TLE4: variants seen among roughly 807,000 people sequenced by gnomAD.
TLE4 encodes TLE family member 4, transcriptional corepressor.
Under a neutral mutation model 92.8 loss-of-function variants are expected in TLE4, and 8 were observed. That is an observed-to-expected ratio of 0.09 (90% CI 0.05 to 0.16). The LOEUF (loss-of-function observed/expected upper bound fraction) is 0.16, where lower values mean the gene tolerates loss of function less well. TLE4 is among the 10% of genes least tolerant of loss of function. The pLI, the probability that TLE4 is intolerant of heterozygous loss-of-function variation, is 1.00. For missense variants in TLE4, 675 were observed against 997.6 expected, an observed-to-expected ratio of 0.68 and a Z score of 4.36; for synonymous variants, 371 against 374.1, an observed-to-expected ratio of 0.99 and a Z score of 0.10.
intron 8 of TLE4, among the ~76,000 whole-genome samples, chr9:79,690,861 C>G (rs1291449856): frequency 7.5e-6 from 1 of 132,972 alleles, no homozygotes; most frequent in Non-Finnish European, 1.5e-5. Context: ...GTCTCGAACT[C>G]TTGGACTCAA....
Position 79,574,853 on chromosome 9 carries a change from G to C in TLE4, c.144-20G>C, listed in dbSNP as rs773801480. On this transcript the variant is annotated intron_variant, in intron 2 of 19. Coordinates refer to ENST00000376552, the MANE Select transcript of TLE4 (RefSeq NM_007005.6). The stretch of plus-strand genomic sequence containing the variant: ...GTAAGTTAAGATCATTGTACTTAGA[G>C]TATCTTATGTCTTGAACAGTCTGAA... 7 of 1,604,894 alleles carry C rather than the reference G, an allele frequency of 4.4e-6. No individual in the cohort carries two copies. The East Asian group carries it at 1.6e-4, about 36-fold the overall frequency.
At position 79,708,190 on chromosome 9, in the gene TLE4, A is replaced by G; in HGVS notation, c.1009A>G (p.Ser337Gly). 1 of 1,614,206 alleles carries G rather than the reference A, an allele frequency of 6.2e-7. No individual in the cohort carries two copies. Residue 337 changes from serine (S) to glycine (G), a missense_variant, in exon 12 of 20, where the codon AGT becomes GGT. Physicochemically the swap from Ser to Gly is moderately conservative, Grantham distance 56. Coordinates refer to ENST00000376552, the MANE Select transcript of TLE4 (RefSeq NM_007005.6). Reference sequence around the variant, plus strand: ...ACGAACTGATGCGCCCACCCCAGGCAGTAACTCTACTCCCGGATTGAGGCC... The same window carrying G: ...ACGAACTGATGCGCCCACCCCAGGCGGTAACTCTACTCCCGGATTGAGGCC... The part of the protein sequence containing the change: ...TPRTDAPTPG[S>G]NSTPGLRPVP...
chr9:79,649,271 TACACACACAC>T (rs61394180), intron 6 of TLE4, among the ~76,000 whole-genome samples: 4 of 147,268 alleles, frequency 2.7e-5, no homozygotes, highest in Admixed American at 6.8e-5. Flanking sequence ...CATACATACA[TACACACACAC>T]ACACACACAC....
intron 8 of TLE4, among the ~76,000 whole-genome samples, chr9:79,677,121 G>A (rs1302655214): frequency 2.0e-5 from 3 of 152,060 alleles, no homozygotes; most frequent in Non-Finnish European, 4.4e-5. Context: ...CTTTTTAATA[G>A]TAACAGTAGC....
At chr9:79,573,433 G>A in intron 1 of TLE4, 1 of 1,173,028 alleles carries the variant, frequency 8.5e-7, no homozygotes, top group Non-Finnish European at 1.1e-6. Context: ...GGGGAGGGGA[G>A]ACGGGACTCG....
At chr9:79,665,931 A>G (rs1284696901) in intron 8 of TLE4, among the ~76,000 whole-genome samples, 4 of 152,202 alleles carry the variant, frequency 2.6e-5, no homozygotes, top group African/African-American at 9.6e-5. Context: ...AACAGTTAAC[A>G]CGGATTATTA....
chr9:79,596,462 C>A (rs2044042201), intron 4 of TLE4, among the ~76,000 whole-genome samples: 1 of 152,120 alleles, frequency 6.6e-6, no homozygotes, highest in African/African-American at 2.4e-5. Context: ...TGGGGCTAGG[C>A]CTGTGAGCTC....
rs139812735 is a variant in TLE4 at position 79,591,817 on chromosome 9, A to T, written c.252+15640A>T. ...TCATTGATAGAAAAAGATACTTTAG[A>T]AGGGGAGAACTTGGTGTTGATAATG... is the stretch of plus-strand genomic sequence containing the variant. On this transcript the variant is annotated intron_variant, in intron 4 of 19. Transcript: ENST00000376552. Among the ~76,000 whole-genome samples the T allele has an allele frequency of 2.5e-3, 386 of 152,264 alleles. 3 individuals are homozygous for T. The highest frequency in any genetic ancestry group is 4.6e-3 in the Non-Finnish European group (312 of 68,006).
chr9:79,626,473 T>C (rs2052635106), intron 5 of TLE4, among the ~76,000 whole-genome samples: 1 of 152,238 alleles, frequency 6.6e-6, no homozygotes, highest in Admixed American at 6.5e-5. Flanking sequence ...GTAAGACTGA[T>C]TTTAAACCAA....
intron 8 of TLE4, among the ~76,000 whole-genome samples, chr9:79,700,911 A>T (rs2069648307): frequency 6.6e-6 from 1 of 152,106 alleles, no homozygotes; most frequent in South Asian, 2.1e-4. Context: ...AATCCTTCTA[A>T]ATTTGTAGAT....
rs758287153 is a variant in TLE4 at position 79,709,709 on chromosome 9, T to C, written c.1340+10T>C. On this transcript the variant is annotated intron_variant, in intron 14 of 19. Coordinates refer to ENST00000376552, the MANE Select transcript of TLE4 (RefSeq NM_007005.6). ...TTCCAGGAGGAAAACCGTGAGTACC[T>C]TTTTGCCTCTGTGCTCATTGTGTGT... The C allele has an allele frequency of 6.2e-7, 1 of 1,612,998 alleles. No homozygotes were observed. Among genetic ancestry groups the C allele is most frequent in the South Asian group, 1.1e-5 (1 of 91,000 alleles).
intron 8 of TLE4, among the ~76,000 whole-genome samples, chr9:79,675,410 A>G (rs2063102037): frequency 6.6e-6 from 1 of 152,226 alleles, no homozygotes; most frequent in Non-Finnish European, 1.5e-5. Context: ...TAAGGAATTA[A>G]GTTGAGGGCT....
intron 14 of TLE4, 140 bp from the exon 15 acceptor site, chr9:79,718,582 T>A: frequency 7.8e-7 from 1 of 1,283,606 alleles, no homozygotes; most frequent in Non-Finnish European, 1.0e-6. Context: ...TTATGTTCTT[T>A]ACACTGTATG....
At chr9:79,582,751 A>G (rs1395736905) in intron 4 of TLE4, among the ~76,000 whole-genome samples, 1 of 149,772 alleles carries the variant, frequency 6.7e-6, no homozygotes, top group African/African-American at 2.5e-5. Flanking sequence ...TGTGAGTTCT[A>G]GAAGGCACTT....
chr9:79,593,591 A>G (rs2043215416), intron 4 of TLE4, among the ~76,000 whole-genome samples: 1 of 152,206 alleles, frequency 6.6e-6, no homozygotes, highest in African/African-American at 2.4e-5. Context: ...TATTTTTGCT[A>G]AAAACATAAT....
intron 5 of TLE4, among the ~76,000 whole-genome samples, chr9:79,626,602 T>C (rs1255876244): frequency 1.3e-5 from 2 of 152,224 alleles, no homozygotes; most frequent in Non-Finnish European, 2.9e-5. Flanking sequence ...AGTGCCCCTA[T>C]ACAGAGACTT....
At chr9:79,599,568 C>T (rs908798500) in intron 4 of TLE4, among the ~76,000 whole-genome samples, 15 of 152,176 alleles carry the variant, frequency 9.9e-5, no homozygotes, top group Non-Finnish European at 1.5e-4. Flanking sequence ...GTCAAAGAAG[C>T]TTGAGTAGTA....
intron 8 of TLE4, among the ~76,000 whole-genome samples, chr9:79,677,013 G>C (rs892962811): frequency 6.6e-6 from 1 of 152,010 alleles, no homozygotes; most frequent in Non-Finnish European, 1.5e-5. Context: ...TATTATGGAA[G>C]GTATAATGGT....
chr9:79,679,793 G>A (rs373186935), intron 8 of TLE4, among the ~76,000 whole-genome samples: 3,342 of 151,378 alleles, frequency 0.022, 117 homozygotes, highest in African/African-American at 0.076. Flanking sequence ...TAATTTTTGT[G>A]TAAGGTGTAA....
Sources: allele counts gnomAD v4.1 joint callset (sites outside exome capture counted in the v4.1 genomes callset), GRCh38; gene constraint gnomAD v4.1.1; transcripts MANE v1.5; gene names NCBI Gene and HGNC (gene_info 2026-07-23, HGNC 2026-07-21).